CCDC171: variants seen among roughly 807,000 people sequenced by gnomAD.
CCDC171 encodes the protein coiled-coil domain containing 171.
In CCDC171, 177 loss-of-function variants were observed where a neutral mutation model predicts 168.2. The observed-to-expected ratio is 1.05, with a 90% CI of 0.93 to 1.19. CCDC171 has a LOEUF of 1.19. CCDC171 is among the 50% of genes most tolerant of loss of function. The pLI, the probability that CCDC171 is intolerant of heterozygous loss-of-function variation, is 0.00. For missense variants in CCDC171, 1,991 were observed against 1,539.0 expected, an observed-to-expected ratio of 1.29 and a Z score of -4.91; for synonymous variants, 687 against 540.8, an observed-to-expected ratio of 1.27 and a Z score of -3.75.
downstream of CCDC171, among the ~76,000 whole-genome samples, chr9:16,062,638 C>A (rs1427708099): frequency 6.6e-6 from 1 of 152,222 alleles, no homozygotes; most frequent in African/African-American, 2.4e-5. Flanking sequence ...ATTCACTCCA[C>A]AAAGGCTTTT....
intron 21 of CCDC171, among the ~76,000 whole-genome samples, chr9:15,808,747 A>G (rs2059188010): frequency 6.6e-6 from 1 of 152,122 alleles, no homozygotes; most frequent in African/African-American, 2.4e-5. Flanking sequence ...AGATTTTTTG[A>G]TGGGCTGTCT....
At chr9:15,572,922 G>T (rs1448017055) in intron 3 of CCDC171, among the ~76,000 whole-genome samples, 1 of 152,160 alleles carries the variant, frequency 6.6e-6, no homozygotes, top group African/African-American at 2.4e-5. Flanking sequence ...ACTTTGAGAG[G>T]CCAAGGTGGG....
At chr9:15,675,858 G>A (rs781348987) in intron 9 of CCDC171, among the ~76,000 whole-genome samples, 6 of 152,124 alleles carry the variant, frequency 3.9e-5, no homozygotes, top group Non-Finnish European at 5.9e-5. Flanking sequence ...TCTTGGGATT[G>A]TTCTTTTCGA....
At chr9:16,108,799 A>C in the CCDC171 span, among the ~76,000 whole-genome samples, 1 of 152,224 alleles carries the variant, frequency 6.6e-6, no homozygotes, top group Non-Finnish European at 1.5e-5. Flanking sequence ...ACCTTCTGCC[A>C]TGAGCAAAAG....
In CCDC171 at chr9:15,744,174, A is replaced by C. The variant is rs1034265246; in HGVS notation, c.2050-99A>C. On this transcript the variant is annotated intron_variant, in intron 16 of 25. Coordinates refer to ENST00000380701, the MANE Select transcript of CCDC171 (RefSeq NM_173550.4). ...CACATGTATCTTTTAAAGAGGAAGA[A>C]GTGGTTGTCAGCAAAAGTTTGTTTT... The C allele has an allele frequency of 3.0e-5, 27 of 913,748 alleles. No homozygotes were observed. The African/African-American group carries it at 4.2e-4, about 14-fold the overall frequency. 56.6% of individuals were successfully genotyped at this position (913,748 alleles called of 1,614,324 possible).
Position 15,598,064 on chromosome 9 carries a change from G to T in CCDC171, c.675+3892G>T, listed in dbSNP as rs565724587. Among the ~76,000 whole-genome samples, 278 of 151,906 alleles carry T rather than the reference G, an allele frequency of 1.8e-3. 1 individual carries two copies. The highest frequency in any genetic ancestry group is 6.3e-3 in the African/African-American group (262 of 41,416). Reference sequence around the variant, plus strand: ...CTTCTTTATGATTAGTCTTGCTAGCGGTCTATCAATTTTGTTGATCTTTTC... The same window carrying T: ...CTTCTTTATGATTAGTCTTGCTAGCTGTCTATCAATTTTGTTGATCTTTTC... On this transcript the variant is annotated intron_variant, in intron 6 of 25. Transcript: ENST00000380701.
intron 25 of CCDC171, among the ~76,000 whole-genome samples, chr9:15,931,456 C>CTTTTTTTTTTTTTTT (rs57124025): frequency 1.1e-3 from 48 of 44,986 alleles, no homozygotes; most frequent in Non-Finnish European, 1.3e-3. Context: ...TTCTTTCTTT[C>CTTTTTTTTTTTTTTT]TTTTTTTTTT....
chr9:15,735,647 A>G (rs2054446359), intron 16 of CCDC171, among the ~76,000 whole-genome samples: 2 of 152,210 alleles, frequency 1.3e-5, no homozygotes, highest in Non-Finnish European at 2.9e-5. Context: ...GGTGAGTCAT[A>G]AAAGTGTTAT....
At chr9:15,897,943 A>G (rs991766023) in intron 24 of CCDC171, among the ~76,000 whole-genome samples, 3 of 152,168 alleles carry the variant, frequency 2.0e-5, no homozygotes, top group Non-Finnish European at 4.4e-5. Context: ...TAACTGGGTG[A>G]CACTGGACAA....
intron 10 of CCDC171, among the ~76,000 whole-genome samples, chr9:15,692,148 G>T (rs1053851615): frequency 2.6e-5 from 4 of 152,140 alleles, no homozygotes; most frequent in Non-Finnish European, 5.9e-5. Flanking sequence ...GACCAAGGTG[G>T]GTGGATCACT....
At chr9:15,622,074 A>G (rs1226920939) in intron 6 of CCDC171, among the ~76,000 whole-genome samples, 7 of 152,198 alleles carry the variant, frequency 4.6e-5, no homozygotes, top group Non-Finnish European at 1.0e-4. Flanking sequence ...AGTGGGAACT[A>G]AACAATGAGA....
chr9:15,800,223 A>C (rs10810450), intron 21 of CCDC171, among the ~76,000 whole-genome samples: 1 of 151,882 alleles, frequency 6.6e-6, no homozygotes, highest in Non-Finnish European at 1.5e-5. Flanking sequence ...ACTAATTTAC[A>C]TTCCCACCAA....
intron 23 of CCDC171, among the ~76,000 whole-genome samples, chr9:15,864,792 T>A (rs925446775): frequency 6.6e-6 from 1 of 152,118 alleles, no homozygotes; most frequent in Non-Finnish European, 1.5e-5. Flanking sequence ...CTCAGTTTAC[T>A]GCAGCTAAGA....
At chr9:16,014,082 TA>T (rs150236488) in intron 3 of CCDC171, among the ~76,000 whole-genome samples, 12,210 of 152,282 alleles carry the variant, frequency 0.08, 526 homozygotes, top group Middle Eastern at 0.12. Context: ...GATAGCATTT[TA>T]CACATAGTGG....
intron 25 of CCDC171, among the ~76,000 whole-genome samples, chr9:15,957,250 T>G (rs1415929280): frequency 2.0e-5 from 3 of 152,048 alleles, no homozygotes; most frequent in Non-Finnish European, 4.4e-5. Flanking sequence ...CCGTGTCAAG[T>G]GAAAGTGAGT....
intron 7 of CCDC171, among the ~76,000 whole-genome samples, chr9:15,632,372 C>T (rs2045790640): frequency 6.6e-6 from 1 of 151,740 alleles, no homozygotes; most frequent in Non-Finnish European, 1.5e-5. Context: ...TCTTATACAC[C>T]AATAACAGAC....
chr9:16,028,770 G>T (rs971711499), intron 6 of CCDC171, among the ~76,000 whole-genome samples: 2 of 152,186 alleles, frequency 1.3e-5, no homozygotes, highest in Non-Finnish European at 2.9e-5. Flanking sequence ...CTTCCCGTGG[G>T]CTGCTCTCAG....
intron 21 of CCDC171, among the ~76,000 whole-genome samples, chr9:15,816,160 TC>T (rs1407238610): frequency 1.7e-5 from 2 of 118,076 alleles, no homozygotes; most frequent in Admixed American, 8.0e-5. Flanking sequence ...AAACGTTTTT[TC>T]ATGTTCAAAT....
intron 20 of CCDC171, 53 bp from the exon 21 acceptor site, chr9:15,784,456 A>G (rs2057830839): frequency 5.9e-6 from 7 of 1,179,732 alleles, no homozygotes; most frequent in Non-Finnish European, 7.3e-6. Context: ...GTGAAATGAT[A>G]CAACAATGCA....
Sources: allele counts gnomAD v4.1 joint callset (sites outside exome capture counted in the v4.1 genomes callset), GRCh38; gene constraint gnomAD v4.1.1; transcripts MANE v1.5; gene names NCBI Gene and HGNC (gene_info 2026-07-23, HGNC 2026-07-21).